ROBO2: variants seen among roughly 807,000 people sequenced by gnomAD.
ROBO2 encodes roundabout homolog 2.
Under a neutral mutation model 160.8 loss-of-function variants are expected in ROBO2, and 53 were observed. That is an observed-to-expected ratio of 0.33 (90% confidence interval 0.26 to 0.41). The LOEUF (loss-of-function observed/expected upper bound fraction) is 0.41. ROBO2 is among the 10% of genes least tolerant of loss of function. ROBO2 has a pLI of 1.00. For missense variants in ROBO2, 1,577 were observed against 1,722.4 expected (o/e 0.92, Z 1.49); for synonymous variants, 664 against 611.7 (o/e 1.09, Z -1.26).
chr3:76,761,143 G>A (rs917819472), intron 2 of ROBO2, among the ~76,000 whole-genome samples: 1 of 151,482 alleles, frequency 6.6e-6, no homozygotes, highest in Non-Finnish European at 1.5e-5. Flanking sequence ...TCTTAACTAG[G>A]GATCAATTTG....
chr3:77,511,115 G>C (rs1183518133), intron 5 of ROBO2, among the ~76,000 whole-genome samples: 2 of 151,966 alleles, frequency 1.3e-5, no homozygotes, highest in East Asian at 3.9e-4. Context: ...AAATACAAGA[G>C]AATGAGATGA....
chr3:76,419,086 GT>G (rs2075879831), intron 2 of ROBO2, among the ~76,000 whole-genome samples: 1 of 152,050 alleles, frequency 6.6e-6, no homozygotes, highest in South Asian at 2.1e-4. Context: ...CATGTATTTT[GT>G]TTTTTAAATT....
chr3:76,544,193 T>A (rs1405706434), intron 2 of ROBO2, among the ~76,000 whole-genome samples: 1 of 152,010 alleles, frequency 6.6e-6, no homozygotes, highest in Non-Finnish European at 1.5e-5. Flanking sequence ...TTTACCAACA[T>A]CCTTCCTACT....
chr3:76,686,453 C>T (rs890131224), intron 2 of ROBO2, among the ~76,000 whole-genome samples: 16 of 149,666 alleles, frequency 1.1e-4, no homozygotes, highest in Middle Eastern at 3.4e-3. Context: ...CTAATATTTT[C>T]CTGCTCATGG....
intron 2 of ROBO2, among the ~76,000 whole-genome samples, chr3:76,033,237 A>C (rs1333730969): frequency 6.6e-6 from 1 of 151,950 alleles, no homozygotes; most frequent in South Asian, 2.1e-4. Context: ...TGTATTTTCT[A>C]TTTCTTTCTT....
At chr3:77,610,237 GA>G (rs1365098746) in intron 21 of ROBO2, among the ~76,000 whole-genome samples, 1 of 151,898 alleles carries the variant, frequency 6.6e-6, no homozygotes, top group African/African-American at 2.4e-5. Context: ...TGATCTTCTA[GA>G]AAATTTTTCT....
intron 3 of ROBO2, among the ~76,000 whole-genome samples, chr3:77,478,312 GAAT>G (rs760261964): frequency 1.3e-5 from 2 of 151,954 alleles, no homozygotes; most frequent in Non-Finnish European, 2.9e-5. Flanking sequence ...TTTTCCAATT[GAAT>G]AATATTTATA....
At chr3:76,502,407 G>C (rs947106083) in intron 2 of ROBO2, among the ~76,000 whole-genome samples, 1 of 152,136 alleles carries the variant, frequency 6.6e-6, no homozygotes, top group African/African-American at 2.4e-5. Context: ...TAAATGCACT[G>C]TGCACTACTG....
At chr3:76,243,546 A>T (rs1705432115) in intron 2 of ROBO2, among the ~76,000 whole-genome samples, 1 of 152,182 alleles carries the variant, frequency 6.6e-6, no homozygotes, top group Admixed American at 6.5e-5. Flanking sequence ...TCTGGGAGAG[A>T]CCCACTCTTA....
At chr3:76,266,984 A>G (rs1707139209) in intron 2 of ROBO2, among the ~76,000 whole-genome samples, 1 of 152,150 alleles carries the variant, frequency 6.6e-6, no homozygotes, top group Non-Finnish European at 1.5e-5. Flanking sequence ...TTAAATTGAA[A>G]TATTTTTAAT....
intron 2 of ROBO2, among the ~76,000 whole-genome samples, chr3:76,240,153 G>T (rs568216313): frequency 1.2e-4 from 19 of 152,132 alleles, no homozygotes; most frequent in Middle Eastern, 3.4e-3. Flanking sequence ...TTATTATGCT[G>T]TAAGTTCTGG....
chr3:76,245,248 G>A (rs1488819417), intron 2 of ROBO2, among the ~76,000 whole-genome samples: 6 of 152,210 alleles, frequency 3.9e-5, no homozygotes, highest in Non-Finnish European at 5.9e-5. Flanking sequence ...TGTGGGTTAA[G>A]TGGGAAGGTC....
chr3:76,876,443 G>A (rs1055804858), intron 2 of ROBO2, among the ~76,000 whole-genome samples: 3 of 152,144 alleles, frequency 2.0e-5, no homozygotes, highest in Admixed American at 2.0e-4. Flanking sequence ...ATGAGGCTGA[G>A]GCAGACAGAT....
intron 2 of ROBO2, among the ~76,000 whole-genome samples, chr3:76,654,929 T>TATATA (rs5850279): frequency 0.13 from 17,788 of 140,820 alleles, 1,250 homozygotes; most frequent in South Asian, 0.16. Context: ...ATATATATAT[T>TATATA]TATATATATA....
intron 2 of ROBO2, among the ~76,000 whole-genome samples, chr3:76,014,803 G>A (rs917370986): frequency 2.6e-5 from 4 of 152,178 alleles, no homozygotes; most frequent in Non-Finnish European, 4.4e-5. Flanking sequence ...TGGCACGTGC[G>A]TGTAGTCCCA....
intron 2 of ROBO2, among the ~76,000 whole-genome samples, chr3:76,200,043 A>G (rs745690420): frequency 3.3e-5 from 5 of 152,146 alleles, no homozygotes; most frequent in Non-Finnish European, 7.4e-5. Flanking sequence ...TTCTCTATTT[A>G]TCTGAAGTTC....
intron 2 of ROBO2, among the ~76,000 whole-genome samples, chr3:76,384,981 G>A (rs2076813925): frequency 6.6e-6 from 1 of 152,294 alleles, no homozygotes; most frequent in East Asian, 1.9e-4. Context: ...TCCGCAAAGT[G>A]TCTTTTGTTT....
intron 2 of ROBO2, among the ~76,000 whole-genome samples, chr3:76,187,249 A>G (rs1402792149): frequency 6.6e-6 from 1 of 151,932 alleles, no homozygotes; most frequent in Non-Finnish European, 1.5e-5. Flanking sequence ...GAAAGCACTC[A>G]TTGGTTTTTG....
At chr3:76,295,288 TGG>T (rs1446044264) in intron 2 of ROBO2, among the ~76,000 whole-genome samples, 1 of 152,136 alleles carries the variant, frequency 6.6e-6, no homozygotes, top group Non-Finnish European at 1.5e-5. Context: ...CAGTTGTTAC[TGG>T]AGGGATGGGG....
Sources: gnomAD v4.1 joint callset for allele counts (sites outside exome capture counted in the v4.1 genomes callset) on GRCh38, gnomAD v4.1.1 for gene constraint, MANE v1.5 for transcripts, NCBI Gene and HGNC (gene_info 2026-07-23, HGNC 2026-07-21) for gene names.